Variants in PAX2 observed in about 807,000 individuals in gnomAD.
The protein encoded by PAX2 is paired box 2, also known as paired box protein Pax-2.
A neutral mutation model predicts 41.7 loss-of-function variants in PAX2; 9 were observed. The observed-to-expected ratio is 0.22, with a 90% CI of 0.13 to 0.38. The LOEUF is 0.38. PAX2 is among the 10% of genes least tolerant of loss of function. The pLI is 1.00. For synonymous variants in PAX2, 221 were observed against 212.7 expected, an observed-to-expected ratio of 1.04 and a Z score of -0.34; for missense variants, 418 against 531.6, an observed-to-expected ratio of 0.79 and a Z score of 2.10.
rs148177329 is a variant in PAX2, at chr10:100,820,008, T to C, written c.920-4640T>C. Among the ~76,000 whole-genome samples the C allele has an allele frequency of 2.2e-4, 34 of 152,374 alleles. No homozygotes were observed. The East Asian group carries it at 6.6e-3, about 29-fold the overall frequency. On this transcript the variant is annotated intron_variant, in intron 7 of 9. Transcript: ENST00000355243. ...GAACTGAGAAGACATCCTCATCAAG[T>C]ACAGTGCTTTGAACACTTCTGGGGA... is the stretch of plus-strand genomic sequence containing the variant.
chr10:100,748,188 C>A lies in PAX2; in HGVS notation c.44-1558C>A, dbSNP rs1436754102. ...GGGCCGGGCCCTGAGCCCGGGGAGG[C>A]TGAATTATTCATCTTTAATCTGCCC... On this transcript the variant is annotated intron_variant, in intron 1 of 9. Coordinates refer to ENST00000355243, the MANE Select transcript of PAX2 (RefSeq NM_000278.5). This position sits in a 1 kb window ranked among gnomAD's most constrained non-coding sequence, Gnocchi z 5.0. 1 of 985,086 alleles carries A rather than the reference C, an allele frequency of 1.0e-6. No homozygotes were observed. Among genetic ancestry groups the A allele is most frequent in the East Asian group, 1.1e-4 (1 of 8,718 alleles). The allele number at this position is 985,086 out of a possible 1,614,324, so 61.0% of individuals were successfully genotyped here. A position where few individuals can be genotyped will look rare whatever the true frequency, so the allele number is the denominator to read the frequency against.
intron 7 of PAX2, among the ~76,000 whole-genome samples, chr10:100,818,318 G>T (rs1848256830): frequency 6.6e-6 from 1 of 152,082 alleles, no homozygotes; most frequent in Admixed American, 6.5e-5. Context: ...CTTCTTTCGT[G>T]GCTTCCTTTT....
intron 3 of PAX2, among the ~76,000 whole-genome samples, chr10:100,763,868 G>T (rs987472155): frequency 1.3e-5 from 2 of 152,190 alleles, no homozygotes; most frequent in African/African-American, 4.8e-5. Flanking sequence ...ACTGGCTAGA[G>T]GGTACTGGGT....
intron 3 of PAX2, among the ~76,000 whole-genome samples, chr10:100,774,571 C>T (rs1169166930): frequency 6.6e-6 from 1 of 152,114 alleles, no homozygotes; most frequent in Non-Finnish European, 1.5e-5. Flanking sequence ...AGGGAGGTCT[C>T]CTGCCTGCAT....
At chr10:100,802,085 C>T (rs1430241201) in intron 5 of PAX2, among the ~76,000 whole-genome samples, 1 of 152,162 alleles carries the variant, frequency 6.6e-6, no homozygotes, top group Non-Finnish European at 1.5e-5. Flanking sequence ...TGAGGCTGAA[C>T]CCTCCCTCTA....
intron 5 of PAX2, among the ~76,000 whole-genome samples, chr10:100,794,404 G>T (rs779172463): frequency 6.6e-5 from 10 of 152,196 alleles, no homozygotes; most frequent in Non-Finnish European, 1.0e-4. Flanking sequence ...TTGCCACAGA[G>T]AATGGTGGTG....
chr10:100,738,368 G>A (rs1844842058), intron 1 of PAX2, among the ~76,000 whole-genome samples: 1 of 152,226 alleles, frequency 6.6e-6, no homozygotes, highest in South Asian at 2.1e-4. Context: ...AGCAGCCTCT[G>A]CTTAGGGCAA....
chr10:100,754,225 A>G (rs1376974465), intron 3 of PAX2, among the ~76,000 whole-genome samples: 2 of 152,206 alleles, frequency 1.3e-5, no homozygotes, highest in Non-Finnish European at 2.9e-5. Context: ...TTATATGCCA[A>G]AATCTTCTGG....
At chr10:100,760,115 GTGCA>G (rs1845783169) in intron 3 of PAX2, among the ~76,000 whole-genome samples, 1 of 152,154 alleles carries the variant, frequency 6.6e-6, no homozygotes, top group South Asian at 2.1e-4. Context: ...GGGAGCCTCT[GTGCA>G]TGGCTCTGCT....
intron 7 of PAX2, among the ~76,000 whole-genome samples, chr10:100,814,413 C>T (rs1848117977): frequency 6.9e-6 from 1 of 145,720 alleles, no homozygotes; most frequent in Admixed American, 6.9e-5. Flanking sequence ...ACCACAGATC[C>T]AGATCCCCCA....
At position 100,822,372 on chromosome 10, in the gene PAX2, C is replaced by CT. The variant is rs144016812; in HGVS notation, c.920-2273dup. Among the ~76,000 whole-genome samples the CT allele has an allele frequency of 2.9e-3, 444 of 152,052 alleles. 12 individuals are homozygous for CT. The East Asian group carries it at 0.052, about 18-fold the overall frequency. The stretch of plus-strand genomic sequence containing the variant: ...TCTAATATTTACATTTTATCCAAGC[C>CT]TTTACTTCTTTAATGAGACCAATAT... On this transcript the variant is annotated intron_variant, in intron 7 of 9. Coordinates refer to ENST00000355243, the MANE Select transcript of PAX2 (RefSeq NM_000278.5).
At chr10:100,744,207 CG>C (rs1371762241), upstream of PAX2, among the ~76,000 whole-genome samples, 4 of 152,174 alleles carry the variant, frequency 2.6e-5, no homozygotes, top group African/African-American at 9.7e-5. Flanking sequence ...CGCGCTTCCG[CG>C]GGGCGCCCGG....
chr10:100,786,646 A>T (rs1313326112), intron 5 of PAX2, among the ~76,000 whole-genome samples: 1 of 151,952 alleles, frequency 6.6e-6, no homozygotes, highest in African/African-American at 2.4e-5. Context: ...GTGAGCGGGG[A>T]GAGCTCTAAG....
At chr10:100,792,369 C>A (rs1054261834) in intron 5 of PAX2, among the ~76,000 whole-genome samples, 1 of 152,178 alleles carries the variant, frequency 6.6e-6, no homozygotes, top group Non-Finnish European at 1.5e-5. Context: ...AGAGGAAGTC[C>A]GCAGCATAGG....
rs573444277 is a variant in PAX2, at chr10:100,756,036, CA to C, written c.410+5146del. Among the ~76,000 whole-genome samples, 425 of 152,240 alleles carry C rather than the reference CA, an allele frequency of 2.8e-3. 2 individuals carry two copies. The highest frequency in any genetic ancestry group is 9.8e-3 in the African/African-American group (408 of 41,546). On this transcript the variant is annotated intron_variant, in intron 3 of 9. Coordinates refer to ENST00000355243, the MANE Select transcript of PAX2 (RefSeq NM_000278.5). Reference sequence around the variant, plus strand: ...GGTAGGGAACATGTGTTTTGGACAGCATTTGGGAAATGGGCTTGTTCTGGTG... The same window carrying C: ...GGTAGGGAACATGTGTTTTGGACAGCTTTGGGAAATGGGCTTGTTCTGGTG...
intron 5 of PAX2, among the ~76,000 whole-genome samples, chr10:100,781,745 G>A (rs1227843136): frequency 6.6e-6 from 1 of 152,226 alleles, no homozygotes; most frequent in Non-Finnish European, 1.5e-5. Context: ...AATCTGTCTG[G>A]AGGTGAGGTA....
At chr10:100,755,764 T>A (rs1845603641) in intron 3 of PAX2, among the ~76,000 whole-genome samples, 1 of 152,038 alleles carries the variant, frequency 6.6e-6, no homozygotes, top group Non-Finnish European at 1.5e-5. Flanking sequence ...AGAGCCCTTG[T>A]CACAGGGAAA....
In PAX2 at chr10:100,745,938, GGCTGCA is replaced by G; in HGVS notation, c.-314_-309del. 6.4e-6 allele frequency: 8 copies of G among 1,257,936 alleles called. No homozygotes were observed. Among genetic ancestry groups the G allele is most frequent in the Non-Finnish European group, 7.0e-6 (7 of 1,000,386 alleles). The allele number at this position is 1,257,936 out of a possible 1,614,324, so 77.9% of individuals were successfully genotyped here. A position where few individuals can be genotyped will look rare whatever the true frequency, so the allele number is the denominator to read the frequency against. On this transcript the variant is annotated 5_prime_UTR_variant, in exon 1 of 10. Coordinates refer to ENST00000355243, the MANE Select transcript of PAX2 (RefSeq NM_000278.5). Reference sequence around the variant, plus strand: ...GCCTCCCCCGCCCAGCTTCAGCCCTGGCTGCAGCTGCAGCGCGAGCCATGCGCCCCC... The same window carrying G: ...GCCTCCCCCGCCCAGCTTCAGCCCTGGCTGCAGCGCGAGCCATGCGCCCCC...
chr10:100,807,826 C>T (rs1847847806), intron 6 of PAX2, among the ~76,000 whole-genome samples: 1 of 152,250 alleles, frequency 6.6e-6, no homozygotes, highest in Admixed American at 6.5e-5. Context: ...CAGTGCAGCC[C>T]CACAGCGTTG....
Sources: allele counts gnomAD v4.1 joint callset (sites outside exome capture counted in the v4.1 genomes callset), GRCh38; gene constraint gnomAD v4.1.1; non-coding constraint Gnocchi (gnomAD v3.1); transcripts MANE v1.5; gene names NCBI Gene and HGNC (gene_info 2026-07-23, HGNC 2026-07-21).